Variants in ARHGEF7 observed in about 807,000 individuals in gnomAD.
ARHGEF7 encodes PAK-interacting exchange factor beta.
In ARHGEF7, 33 loss-of-function variants were observed where a neutral mutation model predicts 109.8. The observed-to-expected ratio is 0.30, with a 90% CI of 0.23 to 0.40. The LOEUF is 0.40. Among genes scored for constraint, ARHGEF7 ranks in the 10% least tolerant of loss-of-function variants. The pLI is 1.00. For missense variants in ARHGEF7, 938 were observed against 1,098.5 expected (o/e 0.85, Z 2.07); for synonymous variants, 458 against 424.6 (o/e 1.08, Z -0.97).
At chr13:111,153,408 C>A (rs2076007005) in intron 1 of ARHGEF7, among the ~76,000 whole-genome samples, 3 of 152,080 alleles carry the variant, frequency 2.0e-5, no homozygotes, top group Non-Finnish European at 2.9e-5. Context: ...CGGAGCCGGG[C>A]CTTGTCGGCT....
chr13:111,249,732 AG>A (rs995034335), intron 8 of ARHGEF7, among the ~76,000 whole-genome samples: 5 of 152,122 alleles, frequency 3.3e-5, no homozygotes, highest in African/African-American at 4.8e-5. Context: ...TGATAGATTT[AG>A]GGGCTCACAA....
At chr13:111,299,907 T>C (rs2093524820) in intron 19 of ARHGEF7, among the ~76,000 whole-genome samples, 1 of 152,216 alleles carries the variant, frequency 6.6e-6, no homozygotes, top group African/African-American at 2.4e-5. Context: ...CTGTGATAGA[T>C]TATAGCCTTC....
intron 6 of ARHGEF7, among the ~76,000 whole-genome samples, chr13:111,234,625 T>G (rs2086551331): frequency 6.6e-6 from 1 of 152,222 alleles, no homozygotes; most frequent in Non-Finnish European, 1.5e-5. Flanking sequence ...ATCATGCCAC[T>G]TCTCTTACAT....
At chr13:111,186,822 C>G (rs1274943574) in intron 2 of ARHGEF7, 2 of 985,258 alleles carry the variant, frequency 2.0e-6, no homozygotes, top group East Asian at 1.1e-4. Flanking sequence ...GCGCTCAGTC[C>G]CACATTGCAG....
chr13:111,261,673 A>C (rs949662330), intron 8 of ARHGEF7, among the ~76,000 whole-genome samples: 8 of 152,230 alleles, frequency 5.3e-5, no homozygotes, highest in African/African-American at 1.9e-4. Flanking sequence ...TAGCACATGG[A>C]TCATTCTTAA....
chr13:111,299,026 C>T (rs2093492269), intron 19 of ARHGEF7, among the ~76,000 whole-genome samples: 1 of 152,232 alleles, frequency 6.6e-6, no homozygotes, highest in Admixed American at 6.5e-5. Context: ...GTTGCTTTCC[C>T]AGGACGTCAT....
At chr13:111,221,815 T>A (rs190378127) in intron 5 of ARHGEF7, among the ~76,000 whole-genome samples, 8 of 151,834 alleles carry the variant, frequency 5.3e-5, no homozygotes, top group Non-Finnish European at 1.2e-4. Context: ...CATATATGTA[T>A]GTATATGTGT....
intron 5 of ARHGEF7, among the ~76,000 whole-genome samples, chr13:111,221,364 T>G (rs372798541): frequency 4.2e-5 from 1 of 23,846 alleles, no homozygotes; most frequent in African/African-American, 1.5e-4. Context: ...TATATATATA[T>G]CTATATATAT....
intron 8 of ARHGEF7, among the ~76,000 whole-genome samples, chr13:111,267,314 T>C (rs542307383): frequency 2.0e-5 from 3 of 152,144 alleles, no homozygotes; most frequent in Admixed American, 6.5e-5. Context: ...GTTGGGATGC[T>C]GTGCAGTCTG....
intron 19 of ARHGEF7, chr13:111,293,248 G>A (rs954719791): frequency 6.1e-6 from 6 of 985,114 alleles, no homozygotes; most frequent in Non-Finnish European, 7.2e-6. Flanking sequence ...CAGTTCCCCC[G>A]GCTCCCCACC....
chr13:111,136,112 A>G (rs970366689), intron 1 of ARHGEF7, among the ~76,000 whole-genome samples: 8 of 152,186 alleles, frequency 5.3e-5, no homozygotes, highest in African/African-American at 1.2e-4. Flanking sequence ...TGATTTTCGT[A>G]TGTTGAACCA....
chr13:111,292,751 A>G, intron 19 of ARHGEF7: 9 of 1,009,764 alleles, frequency 8.9e-6, no homozygotes, highest in Non-Finnish European at 1.1e-5. Context: ...GTAGGGACCT[A>G]AATTTTTTAA....
chr13:111,241,129 C>T, intron 6 of ARHGEF7: 2 of 1,522,876 alleles, frequency 1.3e-6, no homozygotes, highest in Non-Finnish European at 8.8e-7. Flanking sequence ...TGCCTCGTGA[C>T]CCCCGGGAAG....
intron 2 of ARHGEF7, among the ~76,000 whole-genome samples, chr13:111,166,998 A>C (rs896227388): frequency 1.3e-5 from 2 of 152,248 alleles, no homozygotes; most frequent in African/African-American, 2.4e-5. Context: ...GGAAGTGAGG[A>C]GATGTTAGTC....
chr13:111,217,533 T>C, intron 4 of ARHGEF7, 146 bp from the exon 5 acceptor site: 2 of 738,150 alleles, frequency 2.7e-6, no homozygotes, highest in South Asian at 3.6e-5. Context: ...CATGGGGCAC[T>C]GGAAGGGAGG....
chr13:111,202,122 C>T (rs1176461612), intron 2 of ARHGEF7, among the ~76,000 whole-genome samples: 7 of 152,190 alleles, frequency 4.6e-5, no homozygotes, highest in Admixed American at 2.0e-4. Flanking sequence ...GTTTGAAATA[C>T]GCTTTTTCAA....
At chr13:111,211,366 T>A (rs943441743) in intron 4 of ARHGEF7, among the ~76,000 whole-genome samples, 1 of 152,206 alleles carries the variant, frequency 6.6e-6, no homozygotes, top group Non-Finnish European at 1.5e-5. Context: ...TGATTTGCTG[T>A]CTCACCCGTT....
Position 111,145,902 on chromosome 13 carries a change from T to C in ARHGEF7, c.166-8003T>C, listed in dbSNP as rs1158993654. 6.6e-6 allele frequency among the ~76,000 whole-genome samples: 1 copy of C among 152,236 alleles called. No homozygotes were observed. The highest frequency in any genetic ancestry group is 2.4e-5 in the African/African-American group (1 of 41,470). ...TACCTCAAAAGTTTTCTGTGACCCT[T>C]TCAGCTAAGGTTCTTTGTTTCACTT... On this transcript the variant is annotated intron_variant, in intron 1 of 21. Coordinates refer to ENST00000646102, the MANE Select transcript of ARHGEF7 (RefSeq NM_001354046.2). This position sits in a 1 kb window ranked among gnomAD's most constrained non-coding sequence, Gnocchi z 4.3.
intron 2 of ARHGEF7, chr13:111,182,260 T>A (rs2078820088): frequency 6.6e-6 from 1 of 152,394 alleles, no homozygotes; most frequent in Non-Finnish European, 1.5e-5. Flanking sequence ...TTTCTGAGAC[T>A]CTTTTCCTCT....
Sources: allele counts gnomAD v4.1 joint callset (sites outside exome capture counted in the v4.1 genomes callset), GRCh38; gene constraint gnomAD v4.1.1; non-coding constraint Gnocchi (gnomAD v3.1); transcripts MANE v1.5; gene names NCBI Gene and HGNC (gene_info 2026-07-23, HGNC 2026-07-21).